Variants in CSMD1 observed in about 807,000 individuals in gnomAD.
CSMD1 encodes CUB and Sushi multiple domains 1, also known as CUB and sushi domain-containing protein 1.
CSMD1 carries 213 observed loss-of-function variants against 417.5 expected under a neutral mutation model. The ratio of observed to expected loss-of-function variants is 0.51; its 90% confidence interval spans 0.46 to 0.57. The LOEUF (loss-of-function observed/expected upper bound fraction) is 0.57. Among genes scored for constraint, CSMD1 ranks in the 20% least tolerant of loss-of-function variants. The probability of loss-of-function intolerance (pLI) is 0.00; values close to 1 mark genes in which losing one functional copy is unlikely to be tolerated. For synonymous variants in CSMD1, 2,862 were observed against 1,736.8 expected (o/e 1.65, Z -16.11); for missense variants, 6,923 against 4,529.7 (o/e 1.53, Z -15.17).
chr8:4,698,964 C>G lies in CSMD1; in HGVS notation c.86-61406G>C, dbSNP rs182163994. Among the ~76,000 whole-genome samples, 4 of 151,686 alleles carry G rather than the reference C, an allele frequency of 2.6e-5. No homozygotes were observed. In the East Asian group the frequency reaches 5.8e-4, roughly 22 times the overall value. ...CACCAATTTCACCGTCGAACGAACA[C>G]GTCAGGATTATCACTGCCTTGCCAT... On this transcript the variant is annotated intron_variant, in intron 1 of 69. Transcript: ENST00000635120.
chr8:4,819,248 T>C (rs1799382817), intron 1 of CSMD1, among the ~76,000 whole-genome samples: 1 of 152,182 alleles, frequency 6.6e-6, no homozygotes, highest in Non-Finnish European at 1.5e-5. Context: ...TATTTGGCAT[T>C]TTACAATTAA....
chr8:4,042,609 C>T (rs1426655380), intron 3 of CSMD1, among the ~76,000 whole-genome samples: 3 of 151,568 alleles, frequency 2.0e-5, no homozygotes, highest in African/African-American at 7.3e-5. Flanking sequence ...GGAATGATAC[C>T]CGTATGGGGA....
At chr8:4,649,446 G>C (rs150069838) in intron 1 of CSMD1, among the ~76,000 whole-genome samples, 82 of 152,304 alleles carry the variant, frequency 5.4e-4, no homozygotes, top group Admixed American at 1.2e-3. Flanking sequence ...AAGAGCTTGA[G>C]TGATTTTTTC....
At chr8:4,277,765 T>C (rs953417046) in intron 3 of CSMD1, among the ~76,000 whole-genome samples, 2 of 152,188 alleles carry the variant, frequency 1.3e-5, no homozygotes, top group Non-Finnish European at 2.9e-5. Flanking sequence ...TTGTTTTTTC[T>C]GAGACGGAGT....
chr8:3,695,051 G>C (rs544772714), intron 7 of CSMD1, among the ~76,000 whole-genome samples: 1 of 149,244 alleles, frequency 6.7e-6, no homozygotes, highest in East Asian at 2.0e-4. Context: ...AAAGTCACGT[G>C]GAAGAAAGAA....
chr8:3,290,349 T>C (rs1013546857), intron 25 of CSMD1, among the ~76,000 whole-genome samples: 1 of 146,856 alleles, frequency 6.8e-6, no homozygotes, highest in South Asian at 2.1e-4. Context: ...AGTAGTTTTT[T>C]CTAATTCTGT....
At chr8:3,720,325 A>C (rs1802078822) in intron 6 of CSMD1, among the ~76,000 whole-genome samples, 1 of 152,180 alleles carries the variant, frequency 6.6e-6, no homozygotes, top group Admixed American at 6.5e-5. Context: ...AGAGAGGAGA[A>C]GCTACTGGAA....
chr8:3,609,418 G>GTCAGCAAACTC (rs1801780098), intron 8 of CSMD1, among the ~76,000 whole-genome samples: 1 of 152,152 alleles, frequency 6.6e-6, no homozygotes, highest in African/African-American at 2.4e-5. Flanking sequence ...TCAGCAAACT[G>GTCAGCAAACTC]TCCCCAAACT....
At chr8:4,604,408 T>TGTGTGCGC (rs1554522689) in intron 2 of CSMD1, among the ~76,000 whole-genome samples, 3 of 59,392 alleles carry the variant, frequency 5.1e-5, no homozygotes, top group Non-Finnish European at 1.8e-4. Context: ...TGTGTGTGTG[T>TGTGTGCGC]GTGCGCGTGC....
intron 1 of CSMD1, among the ~76,000 whole-genome samples, chr8:4,690,355 C>G (rs1806687036): frequency 6.6e-6 from 1 of 152,120 alleles, no homozygotes; most frequent in African/African-American, 2.4e-5. Context: ...TTCCCTTCAC[C>G]TATAGTTTTG....
intron 3 of CSMD1, among the ~76,000 whole-genome samples, chr8:4,169,462 C>G (rs892521347): frequency 2.0e-5 from 3 of 152,146 alleles, no homozygotes; most frequent in Admixed American, 6.5e-5. Flanking sequence ...TTCAACATAT[C>G]CCAAATCTGA....
At chr8:3,124,218 ATTAT>A (rs1437384504) in intron 41 of CSMD1, among the ~76,000 whole-genome samples, 3 of 152,222 alleles carry the variant, frequency 2.0e-5, no homozygotes, top group Non-Finnish European at 4.4e-5. Flanking sequence ...TGAAATAAAG[ATTAT>A]TTATTGACTC....
intron 7 of CSMD1, among the ~76,000 whole-genome samples, chr8:3,637,266 G>A (rs1188778390): frequency 6.6e-6 from 1 of 152,100 alleles, no homozygotes. Flanking sequence ...AAAACAGGTT[G>A]TCTCACTTGC....
chr8:3,104,864 C>T (rs1277494216), intron 46 of CSMD1, among the ~76,000 whole-genome samples: 8 of 152,126 alleles, frequency 5.3e-5, no homozygotes, highest in Admixed American at 1.3e-4. Flanking sequence ...TGCGCCACCA[C>T]GCCCAGTTAA....
At chr8:3,175,588 TCCTC>T (rs538696105) in intron 37 of CSMD1, among the ~76,000 whole-genome samples, 4 of 143,754 alleles carry the variant, frequency 2.8e-5, no homozygotes, top group South Asian at 4.5e-4. Flanking sequence ...TTCCTTTTTG[TCCTC>T]CCTCCCTCCC....
At chr8:4,147,492 A>T (rs1000678671) in intron 3 of CSMD1, among the ~76,000 whole-genome samples, 1 of 152,024 alleles carries the variant, frequency 6.6e-6, no homozygotes, top group Non-Finnish European at 1.5e-5. Flanking sequence ...TTGTGCTCCC[A>T]CCACAATCTG....
intron 15 of CSMD1, among the ~76,000 whole-genome samples, chr8:3,403,762 A>T (rs1431880636): frequency 1.3e-5 from 2 of 152,192 alleles, no homozygotes; most frequent in Non-Finnish European, 2.9e-5. Context: ...TGCACCTGTG[A>T]CTAACTGTGC....
chr8:2,966,684 G>A lies in CSMD1; in HGVS notation c.8986C>T (p.Leu2996=), dbSNP rs781589554. 12 of 1,613,712 alleles carry A rather than the reference G, an allele frequency of 7.4e-6. No homozygotes were observed. The South Asian group carries it at 1.1e-4, about 15-fold the overall frequency. The part of the protein sequence containing the change: ...NGMIVSSDGI[L]FSSSVIYACW... ...GCATAGATGACCGAGCTGGAGAACAGAATGCCATCACTACTGACAATCATT... is the reference window on the plus strand; with the variant it reads ...GCATAGATGACCGAGCTGGAGAACAAAATGCCATCACTACTGACAATCATT... Residue 2996 remains leucine (L), a synonymous_variant, in exon 58 of 70, where the codon CTG becomes TTG. Coordinates refer to ENST00000635120, the MANE Select transcript of CSMD1 (RefSeq NM_033225.6).
At chr8:4,261,324 G>C (rs1280187263) in intron 3 of CSMD1, among the ~76,000 whole-genome samples, 1 of 152,096 alleles carries the variant, frequency 6.6e-6, no homozygotes, top group Non-Finnish European at 1.5e-5. Context: ...GAAAAATACT[G>C]TGTAATCTCA....
Sources: gnomAD v4.1 joint callset for allele counts (sites outside exome capture counted in the v4.1 genomes callset) on GRCh38, gnomAD v4.1.1 for gene constraint, MANE v1.5 for transcripts, NCBI Gene and HGNC (gene_info 2026-07-23, HGNC 2026-07-21) for gene names.